Variants in SENP6 observed in about 807,000 individuals in gnomAD.
The protein encoded by SENP6 is sentrin-specific protease 6.
SENP6 carries 41 observed loss-of-function variants against 134.5 expected under a neutral mutation model. That is an observed-to-expected ratio of 0.30 (90% CI 0.24 to 0.40). The LOEUF is 0.40. Among genes scored for constraint, SENP6 ranks in the 10% least tolerant of loss-of-function variants. SENP6 has a pLI of 1.00. For missense variants in SENP6, 1,248 were observed against 1,312.5 expected (o/e 0.95, Z 0.76); for synonymous variants, 395 against 429.8 (o/e 0.92, Z 1.00).
chr6:75,613,876 T>C (rs1196255147), intron 1 of SENP6, among the ~76,000 whole-genome samples: 1 of 152,216 alleles, frequency 6.6e-6, no homozygotes, highest in African/African-American at 2.4e-5. Flanking sequence ...AAAATGTTCC[T>C]TAATAGCAAA....
At position 75,702,856 on chromosome 6, in the gene SENP6, A is replaced by T. The variant is rs568748626; in HGVS notation, c.2500A>T (p.Ile834Leu). The part of the protein sequence containing the change: ...IKKMLNKKHC[I>L]AVIDSNPGQE... ...GAAGATGCTAAACAAAAAACATTGC[A>T]TAGCTGTAATTGATTCCAATCCTGG... The change falls in exon 19 of 24, where the codon ATA becomes TTA. Residue 834 changes from isoleucine (I) to leucine (L), a missense_variant. Physicochemically the swap from Ile to Leu is conservative, Grantham distance 5. Around this residue, in one of 3 missense-constraint regions of SENP6, gnomAD observed 386 missense variants for 395.0 expected, o/e 0.98. Transcript: ENST00000447266. 22 of 1,614,056 alleles carry T rather than the reference A, an allele frequency of 1.4e-5. No homozygotes were observed. Among genetic ancestry groups the T allele is most frequent in the Non-Finnish European group, 1.9e-5 (22 of 1,179,992 alleles).
rs143212068 is a variant in SENP6, at chr6:75,703,180, G to A, written c.2716+108G>A. ...AAAAAAAAATCAGGTTAATGACTGG[G>A]TGTGGTGGCTCACGCTTATAATCCC... On this transcript the variant is annotated intron_variant, in intron 19 of 23. Coordinates refer to ENST00000447266, the MANE Select transcript of SENP6 (RefSeq NM_015571.4). The A allele has an allele frequency of 1.5e-3, 1,431 of 942,572 alleles. 16 individuals are homozygous for A. The African/African-American group carries it at 0.021, about 14-fold the overall frequency. 58.4% of individuals were successfully genotyped at this position (942,572 alleles called of 1,614,324 possible). A position where few individuals can be genotyped will look rare whatever the true frequency, so the allele number is the denominator to read the frequency against.
intron 16 of SENP6, among the ~76,000 whole-genome samples, chr6:75,688,564 A>G (rs1427860982): frequency 1.3e-5 from 2 of 150,272 alleles, no homozygotes; most frequent in African/African-American, 4.9e-5. Context: ...ATTATATTCT[A>G]TTTAGTTTAA....
intron 13 of SENP6, 27 bp downstream of exon 13, chr6:75,676,081 A>T (rs373268066): frequency 5.4e-5 from 76 of 1,407,142 alleles, no homozygotes; most frequent in Non-Finnish European, 7.2e-5. Context: ...AGATTATAAT[A>T]GATAATAATA....
intron 18 of SENP6, 68 bp from the exon 19 acceptor site, chr6:75,702,573 AATTG>A (rs1775110784): frequency 7.6e-7 from 1 of 1,316,402 alleles, no homozygotes. Flanking sequence ...AAAACATTTT[AATTG>A]ATATGTATTG....
At chr6:75,658,671 C>T (rs1003354159) in intron 7 of SENP6, among the ~76,000 whole-genome samples, 3 of 151,912 alleles carry the variant, frequency 2.0e-5, no homozygotes, top group Admixed American at 6.6e-5. Flanking sequence ...TAGCTTGTGG[C>T]AGGCTTAGTT....
rs10564996 is a variant in SENP6 at position 75,707,355 on chromosome 6, C to CTTTT, written c.2717-2149_2717-2146dup. On this transcript the variant is annotated intron_variant, in intron 19 of 23. Transcript: ENST00000447266. ...CATTATTTTTTTCTTTCTTCTTCTTCTTTTTTTTTTTTTTTTTTTTTTTTT... is the reference window on the plus strand; with the variant it reads ...CATTATTTTTTTCTTTCTTCTTCTTCTTTTTTTTTTTTTTTTTTTTTTTTTTTTT... Among the ~76,000 whole-genome samples, 207 of 74,714 alleles carry CTTTT rather than the reference C, an allele frequency of 2.8e-3. 1 individual carries two copies. The highest frequency in any genetic ancestry group is 8.6e-3 in the East Asian group (22 of 2,554). The allele number at this position is 74,714 out of a possible 152,430, so 49.0% of individuals were successfully genotyped here.
chr6:75,626,655 T>C (rs1373188131), intron 3 of SENP6, among the ~76,000 whole-genome samples: 1 of 152,196 alleles, frequency 6.6e-6, no homozygotes, highest in Non-Finnish European at 1.5e-5. Context: ...GATAGATTCC[T>C]AGAATTGAAG....
intron 18 of SENP6, among the ~76,000 whole-genome samples, chr6:75,701,633 CTTTTTTTTT>C (rs60715314): frequency 2.5e-5 from 2 of 80,114 alleles, no homozygotes; most frequent in Non-Finnish European, 4.4e-5. Flanking sequence ...ACAGTTTAAT[CTTTTTTTTT>C]TTTTTTTTTT....
chr6:75,684,438 A>C (rs6925534), intron 16 of SENP6, among the ~76,000 whole-genome samples: 43,487 of 152,048 alleles, frequency 0.29, 6,797 homozygotes, highest in Middle Eastern at 0.37. Context: ...CACTATGTTG[A>C]ATAGGAGTGG....
chr6:75,705,199 C>T (rs1775305525), intron 19 of SENP6, among the ~76,000 whole-genome samples: 1 of 152,214 alleles, frequency 6.6e-6, no homozygotes, highest in Non-Finnish European at 1.5e-5. Flanking sequence ...CTCTCTTCAG[C>T]TCTAATAACT....
Position 75,619,580 on chromosome 6 carries a change from A to C in SENP6, c.53-1952A>C, listed in dbSNP as rs1447459758. ...GAATAATGCTGCTATGAACATTGGC[A>C]TACAAGTGTCTGTTTGAATACATGC... On this transcript the variant is annotated intron_variant, in intron 1 of 23. Transcript: ENST00000447266. Among the ~76,000 whole-genome samples the C allele has an allele frequency of 3.3e-5, 5 of 152,160 alleles. No homozygotes were observed. The East Asian group carries it at 7.7e-4, about 23-fold the overall frequency.
intron 17 of SENP6, among the ~76,000 whole-genome samples, chr6:75,696,703 C>T (rs548861423): frequency 6.6e-6 from 1 of 152,286 alleles, no homozygotes; most frequent in South Asian, 2.1e-4. Context: ...TTTCAAACTC[C>T]TGGGCTCAAG....
rs755946341 is a variant in SENP6, at chr6:75,675,481, AT to A, written c.1426+14del. The A allele has an allele frequency of 4.9e-6, 7 of 1,425,274 alleles. No individual in the cohort carries two copies. Among genetic ancestry groups the A allele is most frequent in the Non-Finnish European group, 6.8e-6 (7 of 1,036,380 alleles). The allele number at this position is 1,425,274 out of a possible 1,614,324, so 88.3% of individuals were successfully genotyped here. On this transcript the variant is annotated intron_variant, in intron 12 of 23. Coordinates refer to ENST00000447266, the MANE Select transcript of SENP6 (RefSeq NM_015571.4). ...ATACAGCTAGACGGTAAGCTATTTTATGTCTTTTTACTTACCAAAGCTTTCT... is the reference window on the plus strand; with the variant it reads ...ATACAGCTAGACGGTAAGCTATTTTAGTCTTTTTACTTACCAAAGCTTTCT...
chr6:75,648,396 T>G (rs1236233544), intron 7 of SENP6, among the ~76,000 whole-genome samples: 1 of 152,210 alleles, frequency 6.6e-6, no homozygotes, highest in Non-Finnish European at 1.5e-5. Context: ...GTGTCCATCT[T>G]GTTTTTCTGA....
At position 75,607,580 on chromosome 6, in the gene SENP6, A is replaced by G. The variant is rs79958520; in HGVS notation, c.52+5004A>G. 7.6e-4 allele frequency among the ~76,000 whole-genome samples: 115 copies of G among 150,944 alleles called. No homozygotes were observed. The East Asian group carries it at 0.018, about 24-fold the overall frequency. On this transcript the variant is annotated intron_variant, in intron 1 of 23. Coordinates refer to ENST00000447266, the MANE Select transcript of SENP6 (RefSeq NM_015571.4). ...TTTAACCAAGTGAATTCCTTCTCCT[A>G]TATTTTCTCCCGTTTTTCCTGAAGT...
intron 1 of SENP6, among the ~76,000 whole-genome samples, chr6:75,604,171 G>A (rs988017958): frequency 1.3e-5 from 2 of 152,298 alleles, no homozygotes; most frequent in South Asian, 2.1e-4. Context: ...ATTAAAACAA[G>A]CACAAATAAA....
intron 9 of SENP6, among the ~76,000 whole-genome samples, chr6:75,666,242 TA>T (rs34214349): frequency 2.0e-5 from 3 of 147,144 alleles, no homozygotes; most frequent in Middle Eastern, 3.6e-3. Flanking sequence ...ATATGATATA[TA>T]AAATATATAT....
chr6:75,712,279 AAACTCTATT>A (rs1441747046), intron 21 of SENP6, among the ~76,000 whole-genome samples: 2 of 152,210 alleles, frequency 1.3e-5, no homozygotes, highest in Admixed American at 6.5e-5. Context: ...ATGTTGACAG[AAACTCTATT>A]AAGAGACTTT....
Sources: gnomAD v4.1 joint callset for allele counts (sites outside exome capture counted in the v4.1 genomes callset) on GRCh38, gnomAD v4.1.1 for gene constraint, gnomAD v4.1.1 regional missense constraint, MANE v1.5 for transcripts, NCBI Gene and HGNC (gene_info 2026-07-23, HGNC 2026-07-21) for gene names.